FASTKD3: variants seen among roughly 807,000 people sequenced by gnomAD.
The protein encoded by FASTKD3 is FAST kinase domain-containing protein 3, mitochondrial.
A neutral mutation model predicts 49.7 loss-of-function variants in FASTKD3; 47 were observed. That is an observed-to-expected ratio of 0.95 (90% CI 0.75 to 1.21). The LOEUF (loss-of-function observed/expected upper bound fraction) is 1.21, where lower values mean the gene tolerates loss of function less well. Among genes scored for constraint, FASTKD3 ranks in the 50% most tolerant of loss-of-function variants. The pLI is 0.00. For missense variants in FASTKD3, 748 were observed against 765.7 expected (o/e 0.98, Z 0.27); for synonymous variants, 284 against 288.6 (o/e 0.98, Z 0.16).
chr5:7,859,516 C>T lies in FASTKD3; in HGVS notation c.1908G>A (p.Met636Ile), dbSNP rs1444826950. The change falls in exon 7 of 7, where the codon ATG (methionine) becomes ATA (isoleucine). Residue 636 changes from methionine (M) to isoleucine (I), a missense_variant. Transcript: ENST00000264669. ...CCACCAATTCACGTCTTGATTTTAG[C>T]ATCCCAATCTCATGATAGGGGATCT... ...VVQIPYHEIG[M>I]LKSRRELVEY... 3 of 1,603,642 alleles carry T rather than the reference C, an allele frequency of 1.9e-6. No individual in the cohort carries two copies. The highest frequency in any genetic ancestry group is 1.3e-5 in the African/African-American group (1 of 74,464).
chr5:7,868,848 C>T, intron 1 of FASTKD3, 131 bp downstream of exon 1: 1 of 533,084 alleles, frequency 1.9e-6, no homozygotes. Context: ...GCGGGGCGAG[C>T]ACCCCCAAAC....
Position 7,867,046 on chromosome 5 carries a change from G to A in FASTKD3, c.1038C>T (p.His346=), listed in dbSNP as rs1267759741. The A allele has an allele frequency of 6.2e-6, 10 of 1,614,168 alleles. No individual in the cohort carries two copies. In the South Asian group the frequency reaches 1.1e-4, roughly 18 times the overall value. ...GGGCTTTTGTAAAAAATGTGTCATG[G>A]TGCCCAAAATATATGAACGCCTCCA... ...RVLEAFIYFG[H]HDTFFTKALE... Residue 346 remains histidine (H), a synonymous_variant, in exon 2 of 7, where the codon CAC becomes CAT. Transcript: ENST00000264669.
At position 7,866,647 on chromosome 5, in the gene FASTKD3, T is replaced by G; in HGVS notation, c.1437A>C (p.Gln479His). 1 of 1,574,708 alleles carries G rather than the reference T, an allele frequency of 6.4e-7. No individual in the cohort carries two copies. Among genetic ancestry groups the G allele is most frequent in the Non-Finnish European group, 8.6e-7 (1 of 1,163,788 alleles). ...IFKPLFLQRLQGKESHLDTLS... is the reference protein window; with the variant it reads ...IFKPLFLQRLHGKESHLDTLS... ...TGTCAGAATTTATAACCAACTCACC[T>G]TGCAGCCGTTGAAGGAAAAGAGGCT... Residue 479 changes from glutamine to histidine, a missense_variant and splice_region_variant, in exon 2 of 7, where the codon CAA becomes CAC. Coordinates refer to ENST00000264669, the MANE Select transcript of FASTKD3 (RefSeq NM_024091.4).
At chr5:7,862,240 C>T (rs1009099254) in intron 4 of FASTKD3, among the ~76,000 whole-genome samples, 2 of 152,134 alleles carry the variant, frequency 1.3e-5, no homozygotes. Context: ...GTTAGAAGAA[C>T]TGTAAGGACG....
chr5:7,867,384 C>T lies in FASTKD3; in HGVS notation c.700G>A (p.Val234Met), dbSNP rs769358546. The stretch of plus-strand genomic sequence containing the variant: ...TGATTTATAATGAGTTCTAGTGTCA[C>T]ACAACCTGAACTGTGCAGTGTAATC... ...SLITLHSSGCVTLELIINQLQ... is the reference protein window; with the variant it reads ...SLITLHSSGCMTLELIINQLQ... The change falls in exon 2 of 7, where the codon GTG (valine) becomes ATG (methionine). Residue 234 changes from valine to methionine, a missense_variant. Physicochemically the swap from Val to Met is conservative, Grantham distance 21. Coordinates refer to ENST00000264669, the MANE Select transcript of FASTKD3 (RefSeq NM_024091.4). The T allele has an allele frequency of 5.6e-6, 9 of 1,614,068 alleles. No homozygotes were observed. The highest frequency in any genetic ancestry group is 5.0e-5 in the Admixed American group (3 of 60,012).
intron 3 of FASTKD3, among the ~76,000 whole-genome samples, chr5:7,864,312 A>G (rs1746775957): frequency 6.6e-6 from 1 of 152,224 alleles, no homozygotes; most frequent in Admixed American, 6.5e-5. Context: ...ATACATAAAT[A>G]AAAATTCAAT....
chr5:7,866,886 T>C lies in FASTKD3; in HGVS notation c.1198A>G (p.Thr400Ala). ...NAVAETFVCQ[T>A]EKFSPRQISA... ...ATCTGACGAGGTGAAAATTTTTCTG[T>C]TTGGCAAACAAAAGTTTCTGCCACT... The change falls in exon 2 of 7, where the codon ACA becomes GCA. Residue 400 changes from threonine (T) to alanine (A), a missense_variant. By Grantham distance (58) the Thr-to-Ala change is moderately conservative. Around this residue, in one of 3 missense-constraint regions of FASTKD3, gnomAD observed 564 missense variants for 562.8 expected, o/e 1.00. Coordinates refer to ENST00000264669, the MANE Select transcript of FASTKD3 (RefSeq NM_024091.4). 6.2e-7 allele frequency: 1 copy of C among 1,614,166 alleles called. No individual in the cohort carries two copies. The highest frequency in any genetic ancestry group is 8.5e-7 in the Non-Finnish European group (1 of 1,180,018).
In FASTKD3 at chr5:7,868,981, C is replaced by G. The variant is rs1164256792; in HGVS notation, c.-116G>C. 4 of 859,174 alleles carry G rather than the reference C, an allele frequency of 4.7e-6. No individual in the cohort carries two copies. The highest frequency in any genetic ancestry group is 7.8e-6 in the Non-Finnish European group (4 of 511,958). 53.2% of individuals were successfully genotyped at this position (859,174 alleles called of 1,614,324 possible). A position where few individuals can be genotyped will look rare whatever the true frequency, so the allele number is the denominator to read the frequency against. On this transcript the variant is annotated splice_region_variant and 5_prime_UTR_variant, in exon 1 of 7. Coordinates refer to ENST00000264669, the MANE Select transcript of FASTKD3 (RefSeq NM_024091.4). ...GGAGACCCCGCGTTGACACCTACCG[C>G]GCTCTGCCGGGCAATCACTCCGGGT...
In FASTKD3 at chr5:7,867,398, T is replaced by C. The variant is rs1440139485; in HGVS notation, c.686A>G (p.His229Arg). 3 of 1,614,114 alleles carry C rather than the reference T, an allele frequency of 1.9e-6. No homozygotes were observed. The highest frequency in any genetic ancestry group is 2.7e-5 in the African/African-American group (2 of 74,944). The change falls in exon 2 of 7, where the codon CAC becomes CGC. Residue 229 changes from histidine (H) to arginine (R), a missense_variant. Around this residue, in one of 3 missense-constraint regions of FASTKD3, gnomAD observed 564 missense variants for 562.8 expected, o/e 1.00. Coordinates refer to ENST00000264669, the MANE Select transcript of FASTKD3 (RefSeq NM_024091.4). ...TTCTAGTGTCACACAACCTGAACTGTGCAGTGTAATCAGACTTTCCCCAAG... is the reference window on the plus strand; with the variant it reads ...TTCTAGTGTCACACAACCTGAACTGCGCAGTGTAATCAGACTTTCCCCAAG... ...CILGESLITL[H>R]SSGCVTLELI...
intron 6 of FASTKD3, among the ~76,000 whole-genome samples, chr5:7,860,469 T>C (rs529105501): frequency 1.2e-4 from 19 of 152,372 alleles, no homozygotes; most frequent in Admixed American, 3.9e-4. Context: ...ATTCCAACAA[T>C]TGAGTAATTC....
In FASTKD3 at chr5:7,868,201, A is replaced by AGG; in HGVS notation, c.-113-6_-113-5insCC. On this transcript the variant is annotated splice_region_variant and splice_polypyrimidine_tract_variant and intron_variant, in intron 1 of 6. Coordinates refer to ENST00000264669, the MANE Select transcript of FASTKD3 (RefSeq NM_024091.4). ...TATGAAACTACAAACGAGTATCTGG[A>AGG]AAAAAAAAAAAAAAAAAAAAAAGGA... 1.1e-4 allele frequency: 1 copy of AGG among 9,300 alleles called. No individual in the cohort carries two copies. Among genetic ancestry groups the AGG allele is most frequent in the African/African-American group, 1.1e-3 (1 of 900 alleles). 0.6% of individuals were successfully genotyped at this position (9,300 alleles called of 1,614,324 possible). A position where few individuals can be genotyped will look rare whatever the true frequency, so the allele number is the denominator to read the frequency against.
Position 7,861,605 on chromosome 5 carries a change from CTG to C in FASTKD3, c.1745_1746del (p.Thr582SerfsTer2). ...LDEEGFVLPS[T>X]ANEDIHKRIA... Reference sequence around the variant, plus strand: ...TACCTTTTATGGATATCTTCATTAGCTGTGGATGGCAATACAAATCCTTCTTC... The same window carrying C: ...TACCTTTTATGGATATCTTCATTAGCTGGATGGCAATACAAATCCTTCTTC... On this transcript the variant is annotated frameshift_variant, in exon 5 of 7. Transcript: ENST00000264669. LOFTEE classifies it high-confidence loss of function. 1.2e-6 allele frequency: 2 copies of C among 1,602,798 alleles called. No individual in the cohort carries two copies. The highest frequency in any genetic ancestry group is 1.7e-6 in the Non-Finnish European group (2 of 1,174,586).
Position 7,867,807 on chromosome 5 carries a change from T to C in FASTKD3, c.277A>G (p.Asn93Asp), listed in dbSNP as rs200439700. ...ATCTGACTCTCCTCATTTTTAACAT[T>C]TTGTTCAAGCCTGTCGCAGTCAGAT... ...QVSDCDRLEQ[N>D]VKNEESQMFY... Residue 93 changes from asparagine to aspartate, a missense_variant, in exon 2 of 7, where the codon AAT becomes GAT. Coordinates refer to ENST00000264669, the MANE Select transcript of FASTKD3 (RefSeq NM_024091.4). The C allele has an allele frequency of 2.5e-5, 41 of 1,614,100 alleles. No homozygotes were observed. In the East Asian group the frequency reaches 8.9e-4, roughly 35 times the overall value.
chr5:7,865,635 G>T (rs528848534), intron 3 of FASTKD3, among the ~76,000 whole-genome samples: 2 of 152,264 alleles, frequency 1.3e-5, no homozygotes, highest in South Asian at 2.1e-4. Context: ...CCTTCAGAGA[G>T]AATGGAGAAA....
In FASTKD3 at chr5:7,866,953, G is replaced by T; in HGVS notation, c.1131C>A (p.Tyr377Ter). 1 of 1,614,158 alleles carries T rather than the reference G, an allele frequency of 6.2e-7. No individual in the cohort carries two copies. The highest frequency in any genetic ancestry group is 8.5e-7 in the Non-Finnish European group (1 of 1,180,044). The change falls in exon 2 of 7, where the codon TAC (tyrosine) becomes TAA (stop). Residue 377 changes from tyrosine (Y) to a stop codon, truncating the protein, a stop_gained. Transcript: ENST00000264669. LOFTEE classifies it high-confidence loss of function. ...DPEVVCRVME[Y>*]CSRELILSKP... ...TTGAAAGAATCAGTTCTCTACTGCA[G>T]TACTCCATGACCCTGCAGACAACTT...
intron 1 of FASTKD3, among the ~76,000 whole-genome samples, chr5:7,868,732 G>A (rs1363467245): frequency 6.6e-6 from 1 of 152,212 alleles, no homozygotes; most frequent in Non-Finnish European, 1.5e-5. Context: ...AGGTGGGGCG[G>A]CCAGTCCAGA....
Position 7,867,973 on chromosome 5 carries a change from G to A in FASTKD3, c.111C>T (p.Val37=). 1 of 1,614,118 alleles carries A rather than the reference G, an allele frequency of 6.2e-7. No homozygotes were observed. The highest frequency in any genetic ancestry group is 8.5e-7 in the Non-Finnish European group (1 of 1,179,990). The part of the protein sequence containing the change: ...NKPLNHVHKV[V]KERLCPWLCS... ...ACAACCAAGGGCACAGACGCTCCTT[G>A]ACTACCTTGTGAACATGATTTAGAG... Residue 37 remains valine (V), a synonymous_variant, in exon 2 of 7, where the codon GTC becomes GTT. Transcript: ENST00000264669.
At position 7,868,208 on chromosome 5, in the gene FASTKD3, A is replaced by G; in HGVS notation, c.-113-12T>C. On this transcript the variant is annotated splice_polypyrimidine_tract_variant and intron_variant, in intron 1 of 6. Coordinates refer to ENST00000264669, the MANE Select transcript of FASTKD3 (RefSeq NM_024091.4). The stretch of plus-strand genomic sequence containing the variant: ...CTACAAACGAGTATCTGGAAAAAAA[A>G]AAAAAAAAAAAAAAAGGATGGTTAA... 1 of 606,894 alleles carries G rather than the reference A, an allele frequency of 1.6e-6. No individual in the cohort carries two copies. The highest frequency in any genetic ancestry group is 1.9e-5 in the African/African-American group (1 of 52,120). The allele number at this position is 606,894 out of a possible 1,614,324, so 37.6% of individuals were successfully genotyped here.
In FASTKD3 at chr5:7,867,844, C is replaced by G. The variant is rs150802478; in HGVS notation, c.240G>C (p.Val80=). 3.7e-6 allele frequency: 6 copies of G among 1,614,048 alleles called. No homozygotes were observed. The highest frequency in any genetic ancestry group is 5.1e-6 in the Non-Finnish European group (6 of 1,180,036). The part of the protein sequence containing the change: ...GNDLHPLGGP[V]FSQVSDCDRL... ...TGTCGCAGTCAGATACTTGAGAGAA[C>G]ACTGGTCCACCGAGTGGATGAAGGT... Residue 80 remains valine, a synonymous_variant, in exon 2 of 7, where the codon GTG becomes GTC. Coordinates refer to ENST00000264669, the MANE Select transcript of FASTKD3 (RefSeq NM_024091.4).
Sources: gnomAD v4.1 joint callset for allele counts (sites outside exome capture counted in the v4.1 genomes callset) on GRCh38, gnomAD v4.1.1 for gene constraint, gnomAD v4.1.1 regional missense constraint, MANE v1.5 for transcripts, NCBI Gene and HGNC (gene_info 2026-07-23, HGNC 2026-07-21) for gene names.